The following FERMT2 variants were observed in gnomAD, a reference collection of about 807,000 sequenced individuals.
FERMT2 encodes fermitin family homolog 2.
Under a neutral mutation model 82.7 loss-of-function variants are expected in FERMT2, and 15 were observed. The observed-to-expected ratio is 0.18, with a 90% CI of 0.12 to 0.28. The LOEUF is 0.28. Ranked by LOEUF, FERMT2 falls within the 10% of genes least tolerant of loss-of-function variation. The pLI is 1.00. For missense variants in FERMT2, 645 were observed against 809.4 expected, an observed-to-expected ratio of 0.80 and a Z score of 2.46; for synonymous variants, 274 against 271.5, an observed-to-expected ratio of 1.01 and a Z score of -0.09.
At chr14:52,873,299 A>T (rs1885743525) in intron 9 of FERMT2, among the ~76,000 whole-genome samples, 1 of 152,218 alleles carries the variant, frequency 6.6e-6, no homozygotes, top group South Asian at 2.1e-4. Flanking sequence ...CTGCAGGTTT[A>T]TGGGTGTCTG....
chr14:52,939,192 T>TA (rs34395615), intron 2 of FERMT2, among the ~76,000 whole-genome samples: 24,562 of 85,818 alleles, frequency 0.29, 3,599 homozygotes, highest in Admixed American at 0.34. Context: ...CCATCTCTAC[T>TA]AAAAAAAAAA....
At chr14:52,898,921 T>C (rs550120820) in intron 3 of FERMT2, among the ~76,000 whole-genome samples, 10 of 152,350 alleles carry the variant, frequency 6.6e-5, no homozygotes, top group African/African-American at 2.2e-4. Context: ...GCATTACATT[T>C]CGAAAAGTTC....
chr14:52,901,042 C>T (rs1217135016), intron 3 of FERMT2, among the ~76,000 whole-genome samples: 1 of 140,858 alleles, frequency 7.1e-6, no homozygotes, highest in Non-Finnish European at 1.5e-5. Context: ...GGGCGGATCA[C>T]GAAATCAGGA....
intron 6 of FERMT2, among the ~76,000 whole-genome samples, chr14:52,879,165 G>A (rs1484482069): frequency 2.0e-5 from 3 of 152,182 alleles, no homozygotes; most frequent in Non-Finnish European, 2.9e-5. Flanking sequence ...AGATAAAGTG[G>A]CAAGTCCTTG....
chr14:52,946,071 T>A (rs1279681054), intron 2 of FERMT2, among the ~76,000 whole-genome samples: 1 of 152,056 alleles, frequency 6.6e-6, no homozygotes, highest in Non-Finnish European at 1.5e-5. Flanking sequence ...GAGGCGGGGT[T>A]TCACCATATT....
intron 3 of FERMT2, among the ~76,000 whole-genome samples, chr14:52,897,119 C>CT (rs1412070987): frequency 6.6e-6 from 1 of 151,948 alleles, no homozygotes; most frequent in Non-Finnish European, 1.5e-5. Context: ...AAAATGTGTT[C>CT]TTTCAGTACC....
At chr14:52,918,513 A>C (rs1888758219) in intron 3 of FERMT2, among the ~76,000 whole-genome samples, 5 of 152,216 alleles carry the variant, frequency 3.3e-5, no homozygotes, top group Admixed American at 3.3e-4. Context: ...TGTATCTTTA[A>C]CCAAGAATTT....
At chr14:52,859,821 T>A in intron 13 of FERMT2, 107 bp from the exon 14 acceptor site, 2 of 187,954 alleles carry the variant, frequency 1.1e-5, no homozygotes, top group Non-Finnish European at 1.9e-5. Context: ...AGTACTATTC[T>A]TTTTTTTTTT....
chr14:52,881,924 A>C (rs1346352054), intron 4 of FERMT2: 2 of 491,526 alleles, frequency 4.1e-6, no homozygotes, highest in Non-Finnish European at 6.7e-6. Context: ...AAAAAGAAAA[A>C]ACAGATTTTC....
intron 2 of FERMT2, among the ~76,000 whole-genome samples, chr14:52,921,068 A>G (rs1313733875): frequency 6.6e-6 from 1 of 152,222 alleles, no homozygotes; most frequent in East Asian, 1.9e-4. Flanking sequence ...TAAGACATTT[A>G]AAAGTATGTA....
intron 4 of FERMT2, among the ~76,000 whole-genome samples, chr14:52,888,992 G>A (rs1172612448): frequency 6.6e-6 from 1 of 152,146 alleles, no homozygotes; most frequent in East Asian, 1.9e-4. Context: ...AAGGGAGAAG[G>A]AGACGGGTGT....
chr14:52,877,073 C>A (rs1566724405), intron 7 of FERMT2, among the ~76,000 whole-genome samples: 1 of 152,100 alleles, frequency 6.6e-6, no homozygotes, highest in Non-Finnish European at 1.5e-5. Flanking sequence ...CAGAATCATG[C>A]CATTCCTGTG....
chr14:52,859,763 T>G (rs773647443), intron 13 of FERMT2, 49 bp from the exon 14 acceptor site: 3 of 1,167,604 alleles, frequency 2.6e-6, no homozygotes, highest in Non-Finnish European at 3.6e-6. Flanking sequence ...TGGGGGAACA[T>G]GTTGGACTGC....
intron 4 of FERMT2, among the ~76,000 whole-genome samples, chr14:52,892,465 T>TTTTTC: frequency 6.7e-6 from 1 of 149,198 alleles, no homozygotes; most frequent in African/African-American, 2.5e-5. Context: ...TGTTTTTTTT[T>TTTTTC]TTTTTTGAGA....
At chr14:52,893,462 G>A (rs777288733) in intron 3 of FERMT2, 35 bp from the exon 4 acceptor site, 2 of 1,495,822 alleles carry the variant, frequency 1.3e-6, no homozygotes, top group South Asian at 1.3e-5. Context: ...CTAGAACAAA[G>A]GAAAATTTAA....
intron 10 of FERMT2, among the ~76,000 whole-genome samples, chr14:52,866,428 A>G (rs1411009078): frequency 2.6e-5 from 4 of 152,122 alleles, no homozygotes; most frequent in African/African-American, 7.2e-5. Flanking sequence ...CTCCTTCCCA[A>G]CCAGCCTGGA....
At chr14:52,870,248 C>CTT (rs1185198814) in intron 10 of FERMT2, among the ~76,000 whole-genome samples, 23 of 138,804 alleles carry the variant, frequency 1.7e-4, no homozygotes, top group Admixed American at 2.9e-4. Context: ...TACAAGTGTA[C>CTT]TTTTTTTTTT....
At chr14:52,927,706 T>C (rs375448090) in intron 2 of FERMT2, among the ~76,000 whole-genome samples, 1 of 150,490 alleles carries the variant, frequency 6.6e-6, no homozygotes, top group Non-Finnish European at 1.5e-5. Flanking sequence ...GTGGTCAAGG[T>C]TGCATAGAAA....
chr14:52,860,481 C>A lies in FERMT2; in HGVS notation c.1603-16G>T. On this transcript the variant is annotated splice_polypyrimidine_tract_variant and intron_variant, in intron 12 of 14. Transcript: ENST00000341590. ...TCGCTGTTATCTAAACATGAGTAAA[C>A]ATCACCTTTACCATTGAACATTATT... 1 of 1,605,138 alleles carries A rather than the reference C, an allele frequency of 6.2e-7. No individual in the cohort carries two copies. Among genetic ancestry groups the A allele is most frequent in the Non-Finnish European group, 8.5e-7 (1 of 1,175,548 alleles).
Sources: allele counts gnomAD v4.1 joint callset (sites outside exome capture counted in the v4.1 genomes callset), GRCh38; gene constraint gnomAD v4.1.1; transcripts MANE v1.5; gene names NCBI Gene and HGNC (gene_info 2026-07-23, HGNC 2026-07-21).